The following GRHL2 variants were observed in gnomAD, a reference collection of about 807,000 sequenced individuals.
The protein encoded by GRHL2 is grainyhead like transcription factor 2, also known as grainyhead-like protein 2 homolog.
Under a neutral mutation model 83.8 loss-of-function variants are expected in GRHL2, and 21 were observed. That is an observed-to-expected ratio of 0.25 (90% CI 0.18 to 0.36). The LOEUF is 0.36. Ranked by LOEUF, GRHL2 falls within the 10% of genes least tolerant of loss-of-function variation. The pLI is 1.00. For missense variants in GRHL2, 623 were observed against 781.8 expected (o/e 0.80, Z 2.42); for synonymous variants, 280 against 278.9 (o/e 1.00, Z -0.04).
intron 1 of GRHL2, among the ~76,000 whole-genome samples, chr8:101,523,754 C>T (rs562939990): frequency 1.3e-5 from 2 of 152,228 alleles, no homozygotes; most frequent in African/African-American, 4.8e-5. Flanking sequence ...GTTAGAATTA[C>T]AAGTGTGAGC....
intron 7 of GRHL2, among the ~76,000 whole-genome samples, chr8:101,596,849 C>T (rs535583768): frequency 5.3e-5 from 8 of 152,272 alleles, no homozygotes; most frequent in South Asian, 4.2e-4. Flanking sequence ...TGGCCACACA[C>T]GCTTTTATAT....
chr8:101,507,770 CTTTTTTT>C lies in GRHL2; in HGVS notation c.20+15000_20+15006del, dbSNP rs11295472. On this transcript the variant is annotated intron_variant, in intron 1 of 15. Coordinates refer to ENST00000646743, the MANE Select transcript of GRHL2 (RefSeq NM_024915.4). ...AAGGTCAATACTTGAATGATTATCCCTTTTTTTTTTTTTTTTTTTTTTTTTAGACAAG... is the reference window on the plus strand; with the variant it reads ...AAGGTCAATACTTGAATGATTATCCCTTTTTTTTTTTTTTTTTTAGACAAG... 2.5e-3 allele frequency among the ~76,000 whole-genome samples: 167 copies of C among 66,310 alleles called. 1 individual carries two copies. In the Middle Eastern group the frequency reaches 0.034, roughly 14 times the overall value. 43.5% of individuals were successfully genotyped at this position (66,310 alleles called of 152,430 possible). A position where few individuals can be genotyped will look rare whatever the true frequency, so the allele number is the denominator to read the frequency against.
the GRHL2 span, among the ~76,000 whole-genome samples, chr8:101,678,600 T>G: frequency 6.6e-6 from 1 of 151,766 alleles, no homozygotes; most frequent in African/African-American, 2.4e-5. Flanking sequence ...GAGGCCTGCC[T>G]GCCTCTGTAG....
rs1449491082 is a variant in GRHL2, at chr8:101,608,390, G to A, written c.1098+9239G>A. The stretch of plus-strand genomic sequence containing the variant: ...GGAATAACCATTCCTGTGAAGCTGC[G>A]CACCCACTGCATATCAGGCACTGGG... On this transcript the variant is annotated intron_variant, in intron 8 of 15. Transcript: ENST00000646743. Among the ~76,000 whole-genome samples the A allele has an allele frequency of 3.3e-5, 5 of 152,192 alleles. No homozygotes were observed. The South Asian group carries it at 8.3e-4, about 25-fold the overall frequency.
At chr8:101,520,597 C>T (rs912131296) in intron 1 of GRHL2, among the ~76,000 whole-genome samples, 13 of 152,216 alleles carry the variant, frequency 8.5e-5, no homozygotes, top group African/African-American at 2.6e-4. Context: ...AAAGATCACC[C>T]TCTGTATGGA....
downstream of GRHL2, among the ~76,000 whole-genome samples, chr8:101,670,054 T>C (rs768002927): frequency 1.3e-5 from 2 of 152,200 alleles, no homozygotes; most frequent in Non-Finnish European, 2.9e-5. Flanking sequence ...CGCCCGCCCT[T>C]GAATTCCCAC....
At chr8:101,593,225 C>T (rs1227321855) in intron 7 of GRHL2, among the ~76,000 whole-genome samples, 3 of 152,158 alleles carry the variant, frequency 2.0e-5, no homozygotes, top group African/African-American at 7.2e-5. Context: ...GGATTACAGG[C>T]GTGAGCCACC....
intron 1 of GRHL2, among the ~76,000 whole-genome samples, chr8:101,539,296 G>A (rs1811104871): frequency 6.6e-6 from 1 of 152,164 alleles, no homozygotes; most frequent in Non-Finnish European, 1.5e-5. Flanking sequence ...CCTTTTCAAT[G>A]GTGTGATCAC....
chr8:101,650,178 C>G (rs1813592797), intron 14 of GRHL2, among the ~76,000 whole-genome samples: 1 of 152,168 alleles, frequency 6.6e-6, no homozygotes, highest in African/African-American at 2.4e-5. Context: ...GCCAGGAACA[C>G]AGTTCAAAAT....
At chr8:101,673,088 G>A (rs544685818), downstream of GRHL2, among the ~76,000 whole-genome samples, 7,845 of 149,222 alleles carry the variant, frequency 0.053, 285 homozygotes, top group Non-Finnish European at 0.084. Flanking sequence ...GGTACCAGCC[G>A]CTGCAAAATC....
At chr8:101,628,793 A>T (rs144652525) in intron 9 of GRHL2, among the ~76,000 whole-genome samples, 1 of 152,284 alleles carries the variant, frequency 6.6e-6, no homozygotes, top group East Asian at 1.9e-4. Flanking sequence ...GGTGTTCAGT[A>T]CTTCAGTAGA....
At chr8:101,676,348 TCAAA>T in the GRHL2 span, among the ~76,000 whole-genome samples, 4 of 150,782 alleles carry the variant, frequency 2.7e-5, no homozygotes, top group Admixed American at 6.6e-5. Context: ...TACAATGAAC[TCAAA>T]CAAATTTACA....
chr8:101,503,121 C>T (rs959643205), intron 1 of GRHL2, among the ~76,000 whole-genome samples: 1 of 152,174 alleles, frequency 6.6e-6, no homozygotes, highest in Non-Finnish European at 1.5e-5. Flanking sequence ...TCTCTGAAGT[C>T]GACTTTTTCT....
chr8:101,588,352 C>CA (rs1812210150), intron 7 of GRHL2, among the ~76,000 whole-genome samples: 1 of 152,188 alleles, frequency 6.6e-6, no homozygotes, highest in South Asian at 2.1e-4. Context: ...GACATAATAT[C>CA]AAAATCCTCT....
intron 9 of GRHL2, among the ~76,000 whole-genome samples, chr8:101,622,921 G>C (rs1258720569): frequency 6.6e-6 from 1 of 152,178 alleles, no homozygotes; most frequent in Non-Finnish European, 1.5e-5. Flanking sequence ...CCACATATCA[G>C]TGAGAACATA....
chr8:101,624,045 ACACAGTACACAGTAGAACAGTT>A (rs1385403537), intron 9 of GRHL2, among the ~76,000 whole-genome samples: 2 of 144,726 alleles, frequency 1.4e-5, no homozygotes, highest in Non-Finnish European at 3.0e-5. Context: ...AGTACACAGT[ACACAGTACACAGTAGAACAGTT>A]CACAGTACAC....
chr8:101,621,770 T>C (rs1358098419), intron 9 of GRHL2, among the ~76,000 whole-genome samples: 1 of 152,094 alleles, frequency 6.6e-6, no homozygotes. Flanking sequence ...CAGTGATGCA[T>C]GTCTGTAGTT....
intron 1 of GRHL2, among the ~76,000 whole-genome samples, chr8:101,516,193 A>G (rs952810552): frequency 5.3e-5 from 8 of 152,194 alleles, no homozygotes; most frequent in Admixed American, 4.6e-4. Flanking sequence ...GTGGTTGACA[A>G]CTGACAACCA....
chr8:101,663,000 A>G (rs966568644), intron 14 of GRHL2, among the ~76,000 whole-genome samples: 33 of 152,216 alleles, frequency 2.2e-4, no homozygotes, highest in Admixed American at 4.6e-4. Flanking sequence ...ATTTCTTTTG[A>G]TGACTGCATG....
Sources: gnomAD v4.1 joint callset for allele counts (sites outside exome capture counted in the v4.1 genomes callset) on GRCh38, gnomAD v4.1.1 for gene constraint, MANE v1.5 for transcripts, NCBI Gene and HGNC (gene_info 2026-07-23, HGNC 2026-07-21) for gene names.